Variants in BTNL9 observed in about 807,000 individuals in gnomAD.
The protein encoded by BTNL9 is butyrophilin-like protein 9.
In BTNL9, 45 loss-of-function variants were observed where a neutral mutation model predicts 45.8. The observed-to-expected ratio is 0.98, with a 90% CI of 0.77 to 1.26. BTNL9 has a LOEUF of 1.26. Among genes scored for constraint, BTNL9 ranks in the 50% most tolerant of loss-of-function variants. The pLI is 0.00. For missense variants in BTNL9, 784 were observed against 729.7 expected, an observed-to-expected ratio of 1.07 and a Z score of -0.86; for synonymous variants, 346 against 330.8, an observed-to-expected ratio of 1.05 and a Z score of -0.50.
intron 3 of BTNL9, among the ~76,000 whole-genome samples, chr5:181,049,662 T>C (rs1018145896): frequency 6.6e-6 from 1 of 152,234 alleles, no homozygotes; most frequent in Non-Finnish European, 1.5e-5. Flanking sequence ...CAAAATATAA[T>C]GCTAGTTCCA....
rs200195177 is a variant in BTNL9 at position 181,053,157 on chromosome 5, C to G, written c.737-43C>G. 5 of 1,506,880 alleles carry G rather than the reference C, an allele frequency of 3.3e-6. No individual in the cohort carries two copies. Among genetic ancestry groups the G allele is most frequent in the Non-Finnish European group, 4.5e-6 (5 of 1,113,826 alleles). The allele number at this position is 1,506,880 out of a possible 1,614,324, so 93.3% of individuals were successfully genotyped here. A position where few individuals can be genotyped will look rare whatever the true frequency, so the allele number is the denominator to read the frequency against. On this transcript the variant is annotated intron_variant, in intron 4 of 10. Transcript: ENST00000327705. The surrounding 1 kb of genome is among the most constrained non-coding windows in gnomAD (Gnocchi z 6.5). ...CAGGCCGGTCTCGCCTCTCGGTGCT[C>G]AGCGGCGCCTGGACCGACACGGCCC...
intron 7 of BTNL9, 88 bp downstream of exon 7, chr5:181,054,347 G>A: frequency 6.3e-7 from 1 of 1,580,480 alleles, no homozygotes. Flanking sequence ...TTGGACAGCG[G>A]CTGGCAACTA....
chr5:181,055,358 TCC>T lies in BTNL9; in HGVS notation c.908-73_908-72del. 1 of 1,613,172 alleles carries T rather than the reference TCC, an allele frequency of 6.2e-7. No homozygotes were observed. The highest frequency in any genetic ancestry group is 1.1e-5 in the South Asian group (1 of 90,918). On this transcript the variant is annotated intron_variant, in intron 7 of 10. Transcript: ENST00000327705. The surrounding 1 kb of genome is among the most constrained non-coding windows in gnomAD (Gnocchi z 4.4). ...AGTGGCTTAAGACTAAGGAAGCTCT[TCC>T]CAGTGGCCTGTCTTGGGAAGATGGT...
In BTNL9 at chr5:181,059,450, G is replaced by A. The variant is rs902384938; in HGVS notation, c.1196G>A (p.Gly399Asp). 51 of 1,457,224 alleles carry A rather than the reference G, an allele frequency of 3.5e-5. No individual in the cohort carries two copies. The highest frequency in any genetic ancestry group is 4.3e-5 in the Non-Finnish European group (48 of 1,111,094). 90.3% of individuals were successfully genotyped at this position (1,457,224 alleles called of 1,614,324 possible). ...GGCCGCCGCAGCCGCTGGTTCCTGG[G>A]CGCCTGCCTGGCCGCGGTGCCGCGC... is the stretch of plus-strand genomic sequence containing the variant. ...HVGRRSRWFL[G>D]ACLAAVPRAG... The change falls in exon 11 of 11, where the codon GGC (glycine) becomes GAC (aspartate). Residue 399 changes from glycine to aspartate, a missense_variant. Physicochemically the swap from Gly to Asp is moderately conservative, Grantham distance 94. Coordinates refer to ENST00000327705, the MANE Select transcript of BTNL9 (RefSeq NM_152547.5).
rs79942470 is a variant in BTNL9, at chr5:181,049,994, T to G, written c.455-94T>G. 3,852 of 1,459,864 alleles carry G rather than the reference T, an allele frequency of 2.6e-3. 88 individuals carry two copies. The African/African-American group carries it at 0.047, about 18-fold the overall frequency. 90.4% of individuals were successfully genotyped at this position (1,459,864 alleles called of 1,614,324 possible). On this transcript the variant is annotated intron_variant, in intron 3 of 10. Coordinates refer to ENST00000327705, the MANE Select transcript of BTNL9 (RefSeq NM_152547.5). Reference sequence around the variant, plus strand: ...AATAGCAGTCACACTTCATGATGCTTTATGGTGACTGCAAATGCTGAACAG... The same window carrying G: ...AATAGCAGTCACACTTCATGATGCTGTATGGTGACTGCAAATGCTGAACAG...
chr5:181,057,107 C>G (rs1761924934), intron 9 of BTNL9: 2 of 152,218 alleles, frequency 1.3e-5, no homozygotes, highest in African/African-American at 4.8e-5. Flanking sequence ...CTGCCATTAG[C>G]TTTGTCCATA....
intron 9 of BTNL9, chr5:181,056,908 G>A: frequency 3.2e-6 from 1 of 316,162 alleles, no homozygotes; most frequent in Non-Finnish European, 5.8e-6. Flanking sequence ...ATGCTAGTTG[G>A]CTCTGGGGAC....
rs536651635 is a variant in BTNL9, at chr5:181,047,588, C to T, written c.110-339C>T. On this transcript the variant is annotated intron_variant, in intron 2 of 10. Transcript: ENST00000327705. The stretch of plus-strand genomic sequence containing the variant: ...GATAATATTCTACAGATTATTTTGA[C>T]ACTTGCTTTTTTGATCAAAGATTCC... 3.3e-4 allele frequency: 280 copies of T among 841,518 alleles called. 1 individual carries two copies. In the African/African-American group the frequency reaches 4.6e-3, roughly 14 times the overall value. The allele number at this position is 841,518 out of a possible 1,614,324, so 52.1% of individuals were successfully genotyped here. A position where few individuals can be genotyped will look rare whatever the true frequency, so the allele number is the denominator to read the frequency against.
At chr5:181,043,514 T>C (rs376967639) in intron 1 of BTNL9, 1 of 152,262 alleles carries the variant, frequency 6.6e-6, no homozygotes, top group East Asian at 1.9e-4. Flanking sequence ...GGGACCTGTC[T>C]CGCGCCCCAT....
Position 181,050,383 on chromosome 5 carries a change from A to G in BTNL9, c.736+14A>G. 6.2e-7 allele frequency: 1 copy of G among 1,612,764 alleles called. No homozygotes were observed. Among genetic ancestry groups the G allele is most frequent in the Non-Finnish European group, 8.5e-7 (1 of 1,179,296 alleles). On this transcript the variant is annotated intron_variant, in intron 4 of 10. Transcript: ENST00000327705. The surrounding 1 kb of genome is among the most constrained non-coding windows in gnomAD (Gnocchi z 4.9). ...TCCAGATAGCAGGTCAGTGGCTGTTAGCTCACACCCATCTTCCTAGTCCTC... is the reference window on the plus strand; with the variant it reads ...TCCAGATAGCAGGTCAGTGGCTGTTGGCTCACACCCATCTTCCTAGTCCTC...
Position 181,046,511 on chromosome 5 carries a change from C to T in BTNL9, c.109+913C>T, listed in dbSNP as rs1032957264. On this transcript the variant is annotated intron_variant, in intron 2 of 10. Transcript: ENST00000327705. ...TGAAAGATGTAGCCAACAGAGGGTG[C>T]AAACTAATAATTCAAAGGTAATTTC... Among the ~76,000 whole-genome samples the T allele has an allele frequency of 4.6e-5, 7 of 152,288 alleles. 2 individuals are homozygous for T. The highest frequency in any genetic ancestry group is 4.6e-4 in the Admixed American group (7 of 15,302).
rs1760834550 is a variant in BTNL9, at chr5:181,042,627, C to T, written c.-24+2195C>T. Among the ~76,000 whole-genome samples the T allele has an allele frequency of 6.6e-6, 1 of 152,130 alleles. No homozygotes were observed. ...TCTGCTAAAGGCTTTCAAGATGATACCCTTGAGTGTTGGGAGCAAAGGGAC... is the reference window on the plus strand; with the variant it reads ...TCTGCTAAAGGCTTTCAAGATGATATCCTTGAGTGTTGGGAGCAAAGGGAC... On this transcript the variant is annotated intron_variant, in intron 1 of 10. Coordinates refer to ENST00000327705, the MANE Select transcript of BTNL9 (RefSeq NM_152547.5). The surrounding 1 kb of genome is among the most constrained non-coding windows in gnomAD (Gnocchi z 4.5).
rs951153260 is a variant in BTNL9 at position 181,042,666 on chromosome 5, C to T, written c.-24+2234C>T. 3.3e-5 allele frequency among the ~76,000 whole-genome samples: 5 copies of T among 152,148 alleles called. No individual in the cohort carries two copies. The highest frequency in any genetic ancestry group is 3.3e-4 in the Admixed American group (5 of 15,274). On this transcript the variant is annotated intron_variant, in intron 1 of 10. Coordinates refer to ENST00000327705, the MANE Select transcript of BTNL9 (RefSeq NM_152547.5). The surrounding 1 kb of genome is among the most constrained non-coding windows in gnomAD (Gnocchi z 4.5). ...GAGCAAAGGGACCAGGTACCTGTTC[C>T]TCCTGGCTCAGAAGATGCTCTTGAC...
At chr5:181,054,120 G>A (rs1761743714) in intron 6 of BTNL9, 119 bp from the exon 7 acceptor site, 2 of 1,561,418 alleles carry the variant, frequency 1.3e-6, no homozygotes, top group Non-Finnish European at 8.7e-7. Context: ...GACCACCGCG[G>A]GTGGGAGTGC....
chr5:181,056,798 A>G (rs1761906875), intron 9 of BTNL9: 1 of 562,616 alleles, frequency 1.8e-6, no homozygotes, highest in Non-Finnish European at 3.2e-6. Context: ...TCTCATGTGA[A>G]CCAGCATTCC....
In BTNL9 at chr5:181,045,582, T is replaced by C; in HGVS notation, c.93T>C (p.Pro31=). 1 of 1,611,866 alleles carries C rather than the reference T, an allele frequency of 6.2e-7. No homozygotes were observed. Among genetic ancestry groups the C allele is most frequent in the Non-Finnish European group, 8.5e-7 (1 of 1,178,860 alleles). Residue 31 remains proline (P), a synonymous_variant, in exon 2 of 11, where the codon CCT becomes CCC. Coordinates refer to ENST00000327705, the MANE Select transcript of BTNL9 (RefSeq NM_152547.5). ...TCATGCACCTCCTCCTCCTTCAGCC[T>C]GGGGAGCCGAGCTCAGGTATTGTGT... ...VFLMHLLLLQ[P]GEPSSEVKVL... is the part of the protein sequence containing the mutation.
intron 2 of BTNL9, among the ~76,000 whole-genome samples, chr5:181,045,809 C>A: frequency 7.5e-6 from 1 of 133,894 alleles, no homozygotes; most frequent in Non-Finnish European, 1.6e-5. Context: ...CCCGACACCT[C>A]CTCCACCATC....
chr5:181,043,976 G>A (rs998730946), intron 1 of BTNL9, among the ~76,000 whole-genome samples: 7 of 152,182 alleles, frequency 4.6e-5, no homozygotes, highest in Admixed American at 3.9e-4. Context: ...GCCCCGCTTC[G>A]GGGGGACCCC....
intron 1 of BTNL9, among the ~76,000 whole-genome samples, chr5:181,044,967 A>G (rs1239141774): frequency 6.6e-6 from 1 of 152,194 alleles, no homozygotes; most frequent in Non-Finnish European, 1.5e-5. Context: ...CTTCTGAGAG[A>G]GCAGAACTCT....
Sources: allele counts gnomAD v4.1 joint callset (sites outside exome capture counted in the v4.1 genomes callset), GRCh38; gene constraint gnomAD v4.1.1; non-coding constraint Gnocchi (gnomAD v3.1); transcripts MANE v1.5; gene names NCBI Gene and HGNC (gene_info 2026-07-23, HGNC 2026-07-21).